ATP9B: variants seen among roughly 807,000 people sequenced by gnomAD.
ATP9B encodes ATPase phospholipid transporting 9B.
Under a neutral mutation model 146.1 loss-of-function variants are expected in ATP9B, and 110 were observed. The observed-to-expected ratio is 0.75, with a 90% CI of 0.65 to 0.88. The LOEUF is 0.88. ATP9B is among the 40% of genes least tolerant of loss of function. The pLI is 0.00. For synonymous variants in ATP9B, 604 were observed against 569.7 expected (o/e 1.06, Z -0.86); for missense variants, 1,499 against 1,496.4 (o/e 1.00, Z -0.03).
chr18:79,255,628 T>C (rs577921616), intron 12 of ATP9B, among the ~76,000 whole-genome samples: 1 of 152,334 alleles, frequency 6.6e-6, no homozygotes, highest in African/African-American at 2.4e-5. Context: ...AGTGACTGAC[T>C]CAGATGGAGG....
chr18:79,265,921 G>A lies in ATP9B; in HGVS notation c.1269-11133G>A, dbSNP rs144824804. On this transcript the variant is annotated intron_variant, in intron 12 of 29. Coordinates refer to ENST00000426216, the MANE Select transcript of ATP9B (RefSeq NM_198531.5). Reference sequence around the variant, plus strand: ...TCTTGAGTTTGTTTTTGTATATGGTGTAAAGAAGGGGTCCGGTTTCTCTCT... The same window carrying A: ...TCTTGAGTTTGTTTTTGTATATGGTATAAAGAAGGGGTCCGGTTTCTCTCT... 6.6e-3 allele frequency among the ~76,000 whole-genome samples: 1,000 copies of A among 152,286 alleles called. 6 individuals carry two copies. Among genetic ancestry groups the A allele is most frequent in the African/African-American group, 0.022 (935 of 41,556 alleles).
At chr18:79,249,079 T>TAA (rs57366646) in intron 11 of ATP9B, among the ~76,000 whole-genome samples, 3 of 141,668 alleles carry the variant, frequency 2.1e-5, no homozygotes, top group African/African-American at 2.6e-5. Flanking sequence ...AGCATTCATT[T>TAA]AAAAAAAAAA....
chr18:79,375,808 C>T, intron 29 of ATP9B: 1 of 985,446 alleles, frequency 1.0e-6, no homozygotes, highest in Non-Finnish European at 1.2e-6. Context: ...AGATCCAGCG[C>T]TTCCCTGTGT....
At chr18:79,284,107 A>G (rs1057099983) in intron 13 of ATP9B, among the ~76,000 whole-genome samples, 2 of 152,234 alleles carry the variant, frequency 1.3e-5, no homozygotes, top group Non-Finnish European at 2.9e-5. Context: ...AGATGGCATC[A>G]TCATGAAGGG....
intron 2 of ATP9B, among the ~76,000 whole-genome samples, chr18:79,103,047 C>G (rs992429952): frequency 6.6e-6 from 1 of 152,154 alleles, no homozygotes; most frequent in Non-Finnish European, 1.5e-5. Flanking sequence ...TAAAGACAGT[C>G]ATGCCATCTG....
chr18:79,273,291 C>G (rs2096275043), intron 12 of ATP9B, among the ~76,000 whole-genome samples: 1 of 152,146 alleles, frequency 6.6e-6, no homozygotes, highest in Non-Finnish European at 1.5e-5. Context: ...CATTTTGGGT[C>G]TTGTCTCCAC....
At chr18:79,116,922 TAAAAAAA>T (rs781553384) in intron 4 of ATP9B, among the ~76,000 whole-genome samples, 2 of 59,826 alleles carry the variant, frequency 3.3e-5, no homozygotes, top group African/African-American at 9.9e-5. Flanking sequence ...TAGAGTATAA[TAAAAAAA>T]AAAAAAAAAT....
chr18:79,233,216 C>T (rs143650300), intron 11 of ATP9B, among the ~76,000 whole-genome samples: 2,828 of 152,012 alleles, frequency 0.019, 87 homozygotes, highest in African/African-American at 0.063. Context: ...CACTTGAACC[C>T]GGAAGGCAGA....
chr18:79,220,194 T>C lies in ATP9B; in HGVS notation c.1107+6156T>C, dbSNP rs538535912. Among the ~76,000 whole-genome samples, 10 of 152,312 alleles carry C rather than the reference T, an allele frequency of 6.6e-5. No individual in the cohort carries two copies. The East Asian group carries it at 1.9e-3, about 29-fold the overall frequency. On this transcript the variant is annotated intron_variant, in intron 11 of 29. Coordinates refer to ENST00000426216, the MANE Select transcript of ATP9B (RefSeq NM_198531.5). ...GCAAAGTAGTTATTGGTGGTAAGACTTCGAGTACAGTGATGAAAATGAGTT... is the reference window on the plus strand; with the variant it reads ...GCAAAGTAGTTATTGGTGGTAAGACCTCGAGTACAGTGATGAAAATGAGTT...
At chr18:79,329,817 T>C (rs1448111740) in intron 16 of ATP9B, among the ~76,000 whole-genome samples, 195 bp from the exon 17 acceptor site, 1 of 152,250 alleles carries the variant, frequency 6.6e-6, no homozygotes, top group East Asian at 1.9e-4. Context: ...TGCACAATTA[T>C]GTTCTCAGTC....
At chr18:79,318,143 A>T (rs1335529360) in intron 15 of ATP9B, among the ~76,000 whole-genome samples, 3 of 152,258 alleles carry the variant, frequency 2.0e-5, no homozygotes, top group African/African-American at 7.2e-5. Flanking sequence ...CCTGTGCAAA[A>T]GGATCATGTA....
chr18:79,206,907 G>A (rs1263690110), intron 9 of ATP9B, 30 bp from the exon 10 acceptor site: 2 of 1,602,558 alleles, frequency 1.2e-6, no homozygotes, highest in Admixed American at 1.7e-5. Flanking sequence ...TCATTTGACG[G>A]TTTTGTTTTC....
intron 13 of ATP9B, among the ~76,000 whole-genome samples, chr18:79,298,422 G>C (rs1568610782): frequency 6.8e-6 from 1 of 146,236 alleles, no homozygotes; most frequent in African/African-American, 2.5e-5. Flanking sequence ...TGGGCCTTGT[G>C]GGCTGCAAAC....
rs142215268 is a variant in ATP9B, at chr18:79,311,546, T to C, written c.1773+4312T>C. On this transcript the variant is annotated intron_variant, in intron 15 of 29. Coordinates refer to ENST00000426216, the MANE Select transcript of ATP9B (RefSeq NM_198531.5). ...AAACAAGCTTGCTTATTTAAAACTT[T>C]AGTTACATAGGCATTTTTCTTTTTG... Among the ~76,000 whole-genome samples, 7 of 152,358 alleles carry C rather than the reference T, an allele frequency of 4.6e-5. No homozygotes were observed. In the East Asian group the frequency reaches 1.2e-3, roughly 25 times the overall value.
chr18:79,296,845 T>C (rs1277431824), intron 13 of ATP9B, among the ~76,000 whole-genome samples: 1 of 152,066 alleles, frequency 6.6e-6, no homozygotes, highest in Non-Finnish European at 1.5e-5. Flanking sequence ...GTAGGGGAGA[T>C]GCACGCTCAG....
intron 6 of ATP9B, among the ~76,000 whole-genome samples, chr18:79,150,250 T>G (rs2094664873): frequency 4.6e-5 from 7 of 152,166 alleles, no homozygotes; most frequent in Admixed American, 4.6e-4. Flanking sequence ...AGCGGATCAC[T>G]TGTATATTGC....
At chr18:79,293,599 T>G (rs372937525) in intron 13 of ATP9B, among the ~76,000 whole-genome samples, 2 of 152,194 alleles carry the variant, frequency 1.3e-5, no homozygotes, top group African/African-American at 4.8e-5. Context: ...ATGCAGCACC[T>G]CAGCCTCGGA....
chr18:79,080,271 T>A (rs955408240), intron 1 of ATP9B, among the ~76,000 whole-genome samples: 3 of 152,356 alleles, frequency 2.0e-5, no homozygotes, highest in African/African-American at 7.2e-5. Flanking sequence ...TTCCTATCCA[T>A]GAGCATGGAA....
At chr18:79,095,757 A>G (rs1325221341) in intron 1 of ATP9B, 1 of 152,232 alleles carries the variant, frequency 6.6e-6, no homozygotes, top group Non-Finnish European at 1.5e-5. Flanking sequence ...AATTGTTCTC[A>G]AAAAGGTAAG....
Sources: gnomAD v4.1 joint callset for allele counts (sites outside exome capture counted in the v4.1 genomes callset) on GRCh38, gnomAD v4.1.1 for gene constraint, MANE v1.5 for transcripts, NCBI Gene and HGNC (gene_info 2026-07-23, HGNC 2026-07-21) for gene names.